Variants in PTPRO observed in about 807,000 individuals in gnomAD.
The protein encoded by PTPRO is protein tyrosine phosphatase receptor type O, also known as receptor-type tyrosine-protein phosphatase O.
A neutral mutation model predicts 145.2 loss-of-function variants in PTPRO; 62 were observed. That is an observed-to-expected ratio of 0.43 (90% CI 0.35 to 0.53). The LOEUF is 0.53. PTPRO is among the 20% of genes least tolerant of loss of function. PTPRO has a pLI of 0.01. For synonymous variants in PTPRO, 565 were observed against 514.7 expected (o/e 1.10, Z -1.32); for missense variants, 1,345 against 1,482.7 (o/e 0.91, Z 1.53).
At chr12:15,475,912 C>T (rs958858240) in intron 1 of PTPRO, among the ~76,000 whole-genome samples, 13 of 152,086 alleles carry the variant, frequency 8.5e-5, no homozygotes, top group African/African-American at 2.2e-4. Context: ...TTCTTTTCCT[C>T]GTACCCAAGT....
chr12:15,554,474 TTAAG>T (rs935923555), intron 15 of PTPRO, among the ~76,000 whole-genome samples: 25 of 151,998 alleles, frequency 1.6e-4, no homozygotes, highest in Non-Finnish European at 2.6e-4. Context: ...TGGGAGTTTA[TTAAG>T]TATTAACTTC....
intron 19 of PTPRO, among the ~76,000 whole-genome samples, chr12:15,571,402 C>G (rs1203064930): frequency 2.0e-5 from 3 of 152,178 alleles, no homozygotes; most frequent in Non-Finnish European, 4.4e-5. Context: ...ATTCTCCTGC[C>G]TCAGCCTCCT....
chr12:15,549,135 C>T lies in PTPRO; in HGVS notation c.2346C>T (p.Ser782=). Reference sequence around the variant, plus strand: ...CTTCCCATGTCGTGACCATCTCCAGCCTTCTTCCTGCCACTGCCTACAATT... The same window carrying T: ...CTTCCCATGTCGTGACCATCTCCAGTCTTCTTCCTGCCACTGCCTACAATT... ...AVSSHVVTIS[S]LLPATAYNCS... Residue 782 remains serine, a synonymous_variant, in exon 14 of 27, where the codon AGC becomes AGT. Transcript: ENST00000281171. 1.2e-6 allele frequency: 2 copies of T among 1,613,434 alleles called. No individual in the cohort carries two copies. The highest frequency in any genetic ancestry group is 8.5e-7 in the Non-Finnish European group (1 of 1,179,682).
At position 15,483,732 on chromosome 12, in the gene PTPRO, T is replaced by C. The variant is rs537027068; in HGVS notation, c.76-242T>C. On this transcript the variant is annotated intron_variant, in intron 1 of 26. Coordinates refer to ENST00000281171, the MANE Select transcript of PTPRO (RefSeq NM_030667.3). Reference sequence around the variant, plus strand: ...CCACAAACTGGAAGCAGATTTTCAGTGGAAAAAAATCCTCAAAGTAAAACC... The same window carrying C: ...CCACAAACTGGAAGCAGATTTTCAGCGGAAAAAAATCCTCAAAGTAAAACC... Among the ~76,000 whole-genome samples the C allele has an allele frequency of 1.6e-3, 237 of 152,184 alleles. 3 individuals are homozygous for C. The Middle Eastern group carries it at 0.02, about 13-fold the overall frequency.
intron 1 of PTPRO, chr12:15,440,447 A>G (rs781614757): frequency 4.8e-5 from 11 of 231,554 alleles, no homozygotes; most frequent in Non-Finnish European, 8.3e-5. Flanking sequence ...GCCTGAAAAA[A>G]AAATACAAGG....
chr12:15,583,540 T>C (rs1237067606), intron 23 of PTPRO, among the ~76,000 whole-genome samples: 1 of 152,092 alleles, frequency 6.6e-6, no homozygotes, highest in Non-Finnish European at 1.5e-5. Flanking sequence ...TGTGAAATGC[T>C]ATATGTAAAT....
chr12:15,505,162 C>T (rs2268139), intron 6 of PTPRO, among the ~76,000 whole-genome samples: 14,083 of 152,260 alleles, frequency 0.092, 786 homozygotes, highest in East Asian at 0.24. Context: ...ATCCACCGCA[C>T]ATGTGAACAG....
chr12:15,447,944 A>T (rs1047408277), intron 1 of PTPRO, among the ~76,000 whole-genome samples: 3 of 152,204 alleles, frequency 2.0e-5, no homozygotes, highest in Non-Finnish European at 4.4e-5. Flanking sequence ...ATTTCAAACT[A>T]TAATTCCAGT....
rs937704126 is a variant in PTPRO at position 15,387,845 on chromosome 12, C to G, written c.75+65044C>G. On this transcript the variant is annotated intron_variant, in intron 1 of 26. Coordinates refer to ENST00000281171, the MANE Select transcript of PTPRO (RefSeq NM_030667.3). Reference sequence around the variant, plus strand: ...GTCTTCAAACTCAAAAGTGTATCTTCCCAATGACACCAGCCTTAGAAGAAC... The same window carrying G: ...GTCTTCAAACTCAAAAGTGTATCTTGCCAATGACACCAGCCTTAGAAGAAC... 1.5e-4 allele frequency among the ~76,000 whole-genome samples: 23 copies of G among 152,130 alleles called. 1 individual carries two copies. The highest frequency in any genetic ancestry group is 1.3e-3 in the Admixed American group (20 of 15,278).
chr12:15,445,974 G>C (rs910998620), intron 1 of PTPRO, among the ~76,000 whole-genome samples: 18 of 152,094 alleles, frequency 1.2e-4, no homozygotes, highest in African/African-American at 3.4e-4. Flanking sequence ...TCATGAAATT[G>C]ACATTTGTAA....
intron 1 of PTPRO, among the ~76,000 whole-genome samples, chr12:15,451,049 A>G (rs943879569): frequency 1.3e-5 from 2 of 152,150 alleles, no homozygotes; most frequent in South Asian, 2.1e-4. Context: ...GGCAGAATGG[A>G]TAAGAATTCA....
intron 1 of PTPRO, among the ~76,000 whole-genome samples, chr12:15,429,667 C>T (rs1940379283): frequency 6.6e-6 from 1 of 152,012 alleles, no homozygotes; most frequent in Non-Finnish European, 1.5e-5. Flanking sequence ...AAATGCAGGC[C>T]ACATACAGTT....
chr12:15,498,090 G>A (rs1001785890), intron 3 of PTPRO, among the ~76,000 whole-genome samples: 2 of 151,868 alleles, frequency 1.3e-5, no homozygotes, highest in African/African-American at 4.8e-5. Flanking sequence ...GGGGGTGGGA[G>A]GTAGGTAATG....
chr12:15,493,457 A>G (rs1047121395), intron 2 of PTPRO, among the ~76,000 whole-genome samples: 1 of 152,150 alleles, frequency 6.6e-6, no homozygotes, highest in African/African-American at 2.4e-5. Flanking sequence ...TGTGTTACAA[A>G]TTAGCAGGAG....
At chr12:15,541,443 G>T (rs1261027309) in intron 12 of PTPRO, among the ~76,000 whole-genome samples, 1 of 152,106 alleles carries the variant, frequency 6.6e-6, no homozygotes, top group African/African-American at 2.4e-5. Flanking sequence ...GTTTGCTAGG[G>T]CTGTCATAGC....
At chr12:15,544,348 CA>C (rs1287496235) in intron 12 of PTPRO, among the ~76,000 whole-genome samples, 3 of 151,328 alleles carry the variant, frequency 2.0e-5, no homozygotes, top group African/African-American at 4.8e-5. Context: ...ACTAAAAATA[CA>C]AAAAAATTAG....
chr12:15,337,537 C>T (rs1332127392), intron 1 of PTPRO: 1 of 152,174 alleles, frequency 6.6e-6, no homozygotes, highest in Non-Finnish European at 1.5e-5. Flanking sequence ...TCTCACTCAT[C>T]CATGAAAATC....
intron 14 of PTPRO, among the ~76,000 whole-genome samples, chr12:15,550,128 A>T (rs936754814): frequency 1.3e-5 from 2 of 152,208 alleles, no homozygotes; most frequent in Non-Finnish European, 2.9e-5. Context: ...TCAAAACTTA[A>T]CTACTCATAG....
intron 1 of PTPRO, among the ~76,000 whole-genome samples, chr12:15,376,133 A>G (rs569988411): frequency 6.6e-6 from 1 of 152,260 alleles, no homozygotes; most frequent in South Asian, 2.1e-4. Flanking sequence ...GATGAAACAC[A>G]TAAGATAAAG....
Sources: allele counts gnomAD v4.1 joint callset (sites outside exome capture counted in the v4.1 genomes callset), GRCh38; gene constraint gnomAD v4.1.1; transcripts MANE v1.5; gene names NCBI Gene and HGNC (gene_info 2026-07-23, HGNC 2026-07-21).